SHOC1: variants seen among roughly 807,000 people sequenced by gnomAD.
SHOC1 encodes the protein protein shortage in chiasmata 1 ortholog.
Under a neutral mutation model 179.2 loss-of-function variants are expected in SHOC1, and 136 were observed. The observed-to-expected ratio is 0.76, with a 90% confidence interval of 0.66 to 0.87. SHOC1 has a LOEUF of 0.87. Ranked by LOEUF, SHOC1 falls within the 40% of genes least tolerant of loss-of-function variation. SHOC1 has a pLI of 0.00. For missense variants in SHOC1, 1,538 were observed against 1,700.8 expected, an observed-to-expected ratio of 0.90 and a Z score of 1.68; for synonymous variants, 489 against 586.6, an observed-to-expected ratio of 0.83 and a Z score of 2.41.
intron 5 of SHOC1, among the ~76,000 whole-genome samples, chr9:111,763,110 C>T (rs978075340): frequency 6.6e-6 from 1 of 151,366 alleles, no homozygotes; most frequent in Non-Finnish European, 1.5e-5. Context: ...GGATACATAA[C>T]CTATTTCTGA....
intron 16 of SHOC1, among the ~76,000 whole-genome samples, chr9:111,717,365 G>A (rs1034899220): frequency 7.2e-5 from 11 of 152,064 alleles, no homozygotes; most frequent in East Asian, 1.9e-4. Flanking sequence ...AGGCCAAGGC[G>A]GGTGGATCAC....
At chr9:111,733,216 G>T (rs1018589200) in intron 12 of SHOC1, among the ~76,000 whole-genome samples, 9 of 152,154 alleles carry the variant, frequency 5.9e-5, no homozygotes, top group Non-Finnish European at 1.5e-5. Context: ...AAAATGTATG[G>T]CTATGGCTTA....
chr9:111,781,762 G>A (rs947259719), intron 3 of SHOC1, among the ~76,000 whole-genome samples: 1 of 64,694 alleles, frequency 1.5e-5, no homozygotes, highest in Non-Finnish European at 3.3e-5. Context: ...ATTTGTATGT[G>A]TACATAGCTT....
chr9:111,714,172 G>A (rs900952338), intron 17 of SHOC1, among the ~76,000 whole-genome samples: 1 of 151,908 alleles, frequency 6.6e-6, no homozygotes, highest in Admixed American at 6.6e-5. Context: ...ACACCACCAC[G>A]CCTGGCTAAT....
chr9:111,756,456 T>C lies in SHOC1; in HGVS notation c.731A>G (p.Tyr244Cys), dbSNP rs771215851. 6.2e-7 allele frequency: 1 copy of C among 1,602,134 alleles called. No homozygotes were observed. The highest frequency in any genetic ancestry group is 8.5e-7 in the Non-Finnish European group (1 of 1,176,922). The part of the protein sequence containing the change: ...LNEPSSFLIE[Y>C]EFLIPPSLKP... ...GAGGCTTGGAGGTATTAAGAATTCATACTCAATAAGAAAACTTGACGGCTG... is the reference window on the plus strand; with the variant it reads ...GAGGCTTGGAGGTATTAAGAATTCACACTCAATAAGAAAACTTGACGGCTG... Residue 244 changes from tyrosine to cysteine, a missense_variant, in exon 8 of 28, where the codon TAT becomes TGT. Physicochemically the swap from Tyr to Cys is radical, Grantham distance 194 (BLOSUM62 -2). Coordinates refer to ENST00000682961, the MANE Select transcript of SHOC1 (RefSeq NM_001378211.1).
At chr9:111,741,125 A>G (rs1834019104) in intron 11 of SHOC1, among the ~76,000 whole-genome samples, 1 of 152,182 alleles carries the variant, frequency 6.6e-6, no homozygotes, top group African/African-American at 2.4e-5. Context: ...AACTTTTAAC[A>G]TTAGATGAGA....
intron 11 of SHOC1, among the ~76,000 whole-genome samples, chr9:111,741,061 C>T (rs1190769107): frequency 2.0e-5 from 3 of 152,158 alleles, no homozygotes; most frequent in Non-Finnish European, 4.4e-5. Context: ...GGCTAATTTC[C>T]GGCCGTTGTT....
chr9:111,718,401 A>G, intron 15 of SHOC1, 113 bp from the exon 16 acceptor site: 1 of 569,882 alleles, frequency 1.8e-6, no homozygotes, highest in Admixed American at 3.8e-5. Flanking sequence ...TGCTTACTAT[A>G]TGCCAGGCTG....
chr9:111,769,222 CTTG>C (rs1835472252), intron 5 of SHOC1, among the ~76,000 whole-genome samples: 1 of 151,732 alleles, frequency 6.6e-6, no homozygotes, highest in Admixed American at 6.6e-5. Flanking sequence ...TTTCTTTTTT[CTTG>C]TTGTGTCCTT....
chr9:111,737,070 G>T (rs1310326474), intron 12 of SHOC1, among the ~76,000 whole-genome samples: 1 of 152,196 alleles, frequency 6.6e-6, no homozygotes, highest in Admixed American at 6.5e-5. Flanking sequence ...ATAGAGGCTG[G>T]TAAGGCTGTG....
chr9:111,730,532 T>C (rs1856203), intron 12 of SHOC1, among the ~76,000 whole-genome samples: 121,795 of 152,218 alleles, frequency 0.8, 48,910 homozygotes, highest in East Asian at 0.92. Context: ...TGACCAGGTA[T>C]GCTGTCAATG....
intron 4 of SHOC1, among the ~76,000 whole-genome samples, chr9:111,777,956 T>C (rs1325766880): frequency 6.6e-6 from 1 of 152,226 alleles, no homozygotes; most frequent in Non-Finnish European, 1.5e-5. Flanking sequence ...ATTAAGATCA[T>C]TGATTCCTAT....
rs571523593 is a variant in SHOC1 at position 111,696,815 on chromosome 9, CCT to C, written c.3184-2455_3184-2454del. On this transcript the variant is annotated intron_variant, in intron 24 of 27. Coordinates refer to ENST00000682961, the MANE Select transcript of SHOC1 (RefSeq NM_001378211.1). ...AGAAGAAGCTAAATAAGTGGTAAGA[CCT>C]CACTAGAGACAAATTTACATTTGTC... Among the ~76,000 whole-genome samples, 150 of 152,280 alleles carry C rather than the reference CCT, an allele frequency of 9.9e-4. 3 individuals carry two copies. In the East Asian group the frequency reaches 0.024, roughly 25 times the overall value.
At chr9:111,792,070 GAAT>G (rs1836466912) in intron 1 of SHOC1, among the ~76,000 whole-genome samples, 1 of 152,138 alleles carries the variant, frequency 6.6e-6, no homozygotes, top group Non-Finnish European at 1.5e-5. Context: ...CCTAAAGTTA[GAAT>G]TTTCTAGTAG....
intron 12 of SHOC1, 110 bp downstream of exon 12, chr9:111,738,170 G>T: frequency 1.1e-6 from 1 of 945,798 alleles, no homozygotes; most frequent in Non-Finnish European, 1.5e-6. Context: ...GGGCCTATAT[G>T]GAATGCTAGA....
chr9:111,791,669 C>T (rs1046182250), intron 1 of SHOC1, among the ~76,000 whole-genome samples: 6 of 151,866 alleles, frequency 4.0e-5, no homozygotes, highest in Non-Finnish European at 8.8e-5. Context: ...AATCATATAG[C>T]TGTTAGTTGG....
chr9:111,720,012 C>G (rs1300778302), intron 15 of SHOC1, among the ~76,000 whole-genome samples: 1 of 152,150 alleles, frequency 6.6e-6, no homozygotes, highest in East Asian at 1.9e-4. Context: ...AAACACAAAA[C>G]AGAATACATG....
chr9:111,699,688 A>G (rs1831872735), intron 24 of SHOC1, among the ~76,000 whole-genome samples: 1 of 152,150 alleles, frequency 6.6e-6, no homozygotes, highest in Non-Finnish European at 1.5e-5. Context: ...ATCAAGGGAT[A>G]TTTATTTTTA....
chr9:111,746,291 G>A lies in SHOC1; in HGVS notation c.1022C>T (p.Ser341Leu). The A allele has an allele frequency of 6.2e-7, 1 of 1,612,438 alleles. No individual in the cohort carries two copies. Residue 341 changes from serine to leucine, a missense_variant, in exon 10 of 28, where the codon TCA becomes TTA. By Grantham distance (145) the Ser-to-Leu change is moderately radical. Transcript: ENST00000682961. ...AAGTTCTGTACGTAATGAATTCACT[G>A]AAGAATGTTGGCATGTTAGGAATAG... is the stretch of plus-strand genomic sequence containing the variant. ...TPLFLTCQHSSVNSLRTELQT... is the reference protein window; with the variant it reads ...TPLFLTCQHSLVNSLRTELQT...
Sources: allele counts gnomAD v4.1 joint callset (sites outside exome capture counted in the v4.1 genomes callset), GRCh38; gene constraint gnomAD v4.1.1; transcripts MANE v1.5; gene names NCBI Gene and HGNC (gene_info 2026-07-23, HGNC 2026-07-21).